RPS6KC1: variants seen among roughly 807,000 people sequenced by gnomAD.
RPS6KC1 encodes the protein ribosomal protein S6 kinase C1.
RPS6KC1 carries 54 observed loss-of-function variants against 103.8 expected under a neutral mutation model. That is an observed-to-expected ratio of 0.52 (90% CI 0.42 to 0.65). The LOEUF (loss-of-function observed/expected upper bound fraction) is 0.65. RPS6KC1 is among the 30% of genes least tolerant of loss of function. The pLI, the probability that RPS6KC1 is intolerant of heterozygous loss-of-function variation, is 0.00. For missense variants in RPS6KC1, 1,151 were observed against 1,253.8 expected, an observed-to-expected ratio of 0.92 and a Z score of 1.24; for synonymous variants, 439 against 438.7, an observed-to-expected ratio of 1.00 and a Z score of -0.01.
At chr1:213,659,085 C>G in the RPS6KC1 span, among the ~76,000 whole-genome samples, 1 of 152,108 alleles carries the variant, frequency 6.6e-6, no homozygotes, top group African/African-American at 2.4e-5. Flanking sequence ...CTGTCACAGC[C>G]TCTCAAGTAG....
the RPS6KC1 span, among the ~76,000 whole-genome samples, chr1:213,641,874 T>G: frequency 7.5e-6 from 1 of 133,490 alleles, no homozygotes; most frequent in Admixed American, 7.4e-5. Flanking sequence ...TGTCCTTATC[T>G]TCATGGAACT....
the RPS6KC1 span, among the ~76,000 whole-genome samples, chr1:213,756,864 C>T: frequency 1.3e-5 from 2 of 152,052 alleles, no homozygotes; most frequent in South Asian, 2.1e-4. Context: ...CCTGCCTCGG[C>T]CCCCCCAAAG....
the RPS6KC1 span, among the ~76,000 whole-genome samples, chr1:213,602,574 T>A: frequency 6.6e-6 from 1 of 151,976 alleles, no homozygotes. Flanking sequence ...AATGAAAGAA[T>A]AACATTTTAT....
chr1:213,467,964 A>C, the RPS6KC1 span, among the ~76,000 whole-genome samples: 1 of 152,234 alleles, frequency 6.6e-6, no homozygotes, highest in African/African-American at 2.4e-5. Flanking sequence ...TAATGGCATT[A>C]AAGGTAAACA....
intron 8 of RPS6KC1, among the ~76,000 whole-genome samples, chr1:213,188,555 G>A (rs1453370695): frequency 6.6e-6 from 1 of 152,036 alleles, no homozygotes; most frequent in African/African-American, 2.4e-5. Flanking sequence ...GGAGAGGGGG[G>A]CGTGAAAACA....
chr1:213,701,057 G>T, the RPS6KC1 span, among the ~76,000 whole-genome samples: 2 of 151,942 alleles, frequency 1.3e-5, no homozygotes, highest in African/African-American at 2.4e-5. Context: ...TCATTCTCTT[G>T]TCTGATTACT....
In RPS6KC1 at chr1:213,219,799, T is replaced by C. The variant is rs1024972777; in HGVS notation, c.1045-10698T>C. 7.9e-5 allele frequency among the ~76,000 whole-genome samples: 11 copies of C among 139,176 alleles called. 1 individual carries two copies. Among genetic ancestry groups the C allele is most frequent in the East Asian group, 2.1e-4 (1 of 4,670 alleles). 91.3% of individuals were successfully genotyped at this position (139,176 alleles called of 152,430 possible). On this transcript the variant is annotated intron_variant, in intron 8 of 14. Transcript: ENST00000366960. ...TACATGTTCTCATTCATAGGTCGAA[T>C]TGAACAATGAGAACACATGGACACA...
the RPS6KC1 span, among the ~76,000 whole-genome samples, chr1:213,439,644 A>G: frequency 1.3e-5 from 2 of 152,178 alleles, no homozygotes; most frequent in African/African-American, 2.4e-5. Flanking sequence ...AGGCCTCACA[A>G]TGACTCAGCA....
chr1:213,357,113 G>T, the RPS6KC1 span, among the ~76,000 whole-genome samples: 3 of 151,408 alleles, frequency 2.0e-5, no homozygotes, highest in Non-Finnish European at 4.4e-5. Context: ...CCTACATCGG[G>T]ATCACCTGGG....
the RPS6KC1 span, among the ~76,000 whole-genome samples, chr1:213,375,187 G>T: frequency 1.4e-5 from 2 of 147,630 alleles, no homozygotes; most frequent in African/African-American, 5.0e-5. Context: ...ATACACACAT[G>T]TACATACACA....
downstream of RPS6KC1, among the ~76,000 whole-genome samples, chr1:213,276,374 G>T (rs1311729237): frequency 6.6e-6 from 1 of 152,092 alleles, no homozygotes; most frequent in African/African-American, 2.4e-5. Context: ...AAATGGTTTG[G>T]GCAGTGGAGC....
intron 3 of RPS6KC1, among the ~76,000 whole-genome samples, chr1:213,085,713 G>GT (rs781398561): frequency 3.3e-5 from 5 of 151,942 alleles, no homozygotes; most frequent in Non-Finnish European, 7.4e-5. Flanking sequence ...ATAGAGCTGT[G>GT]TATCTGTGTC....
chr1:213,446,827 C>T, the RPS6KC1 span, among the ~76,000 whole-genome samples: 1 of 152,110 alleles, frequency 6.6e-6, no homozygotes, highest in African/African-American at 2.4e-5. Context: ...AACAAAAGCC[C>T]TGTGCTTCTT....
At chr1:213,490,752 A>G in the RPS6KC1 span, among the ~76,000 whole-genome samples, 1 of 152,172 alleles carries the variant, frequency 6.6e-6, no homozygotes, top group Non-Finnish European at 1.5e-5. Context: ...GCATCTGAAA[A>G]GCTGCTTGCT....
At chr1:213,370,560 G>A in the RPS6KC1 span, among the ~76,000 whole-genome samples, 1 of 152,180 alleles carries the variant, frequency 6.6e-6, no homozygotes, top group Non-Finnish European at 1.5e-5. Context: ...GCTTTCAATG[G>A]AAGAGGTATG....
intron 12 of RPS6KC1, among the ~76,000 whole-genome samples, chr1:213,255,817 T>G (rs1314811782): frequency 6.6e-6 from 1 of 152,230 alleles, no homozygotes; most frequent in East Asian, 1.9e-4. Context: ...TTAAGCTTCC[T>G]AGCTGTTAGG....
the RPS6KC1 span, among the ~76,000 whole-genome samples, chr1:213,854,510 C>CTTTCTCTTTCTTTCTT: frequency 8.3e-6 from 1 of 120,934 alleles, no homozygotes; most frequent in African/African-American, 3.1e-5. Flanking sequence ...CTCTTTCTTT[C>CTTTCTCTTTCTTTCTT]TCTTTCTTTC....
At chr1:213,146,742 AT>A (rs912268919) in intron 6 of RPS6KC1, among the ~76,000 whole-genome samples, 1 of 151,268 alleles carries the variant, frequency 6.6e-6, no homozygotes, top group Non-Finnish European at 1.5e-5. Flanking sequence ...TGCAATTTTT[AT>A]TTTTTTTGAG....
At chr1:213,109,853 T>G (rs1047248439) in intron 4 of RPS6KC1, among the ~76,000 whole-genome samples, 1 of 151,760 alleles carries the variant, frequency 6.6e-6, no homozygotes, top group Non-Finnish European at 1.5e-5. Flanking sequence ...TTATTGGAGA[T>G]TTAGAGGGTG....
Sources: gnomAD v4.1 joint callset for allele counts (sites outside exome capture counted in the v4.1 genomes callset) on GRCh38, gnomAD v4.1.1 for gene constraint, MANE v1.5 for transcripts, NCBI Gene and HGNC (gene_info 2026-07-23, HGNC 2026-07-21) for gene names.